Variants in ADGRL3 observed in about 807,000 individuals in gnomAD.
ADGRL3 encodes adhesion G protein-coupled receptor L3, also known as calcium-independent alpha-latrotoxin receptor 3.
A neutral mutation model predicts 153.5 loss-of-function variants in ADGRL3; 62 were observed. The ratio of observed to expected loss-of-function variants is 0.40; its 90% confidence interval spans 0.33 to 0.50. The LOEUF is 0.50. ADGRL3 is among the 20% of genes least tolerant of loss of function. The pLI, the probability that ADGRL3 is intolerant of heterozygous loss-of-function variation, is 0.47. For missense variants in ADGRL3, 1,641 were observed against 1,859.4 expected, an observed-to-expected ratio of 0.88 and a Z score of 2.16; for synonymous variants, 710 against 672.5, an observed-to-expected ratio of 1.06 and a Z score of -0.86.
At chr4:61,963,747 C>T (rs2098996683) in intron 17 of ADGRL3, among the ~76,000 whole-genome samples, 1 of 152,158 alleles carries the variant, frequency 6.6e-6, no homozygotes, top group Non-Finnish European at 1.5e-5. Flanking sequence ...ATCCTGTGAT[C>T]CTCCTATGCA....
At chr4:61,329,650 AAACTGTTTTTTACTC>A (rs1228484547) in intron 1 of ADGRL3, among the ~76,000 whole-genome samples, 2 of 152,180 alleles carry the variant, frequency 1.3e-5, no homozygotes, top group East Asian at 3.8e-4. Flanking sequence ...GATGTTCAGT[AAACTGTTTTTTACTC>A]AACAGTATGT....
intron 15 of ADGRL3, among the ~76,000 whole-genome samples, chr4:61,937,636 C>T (rs74737896): frequency 0.084 from 12,805 of 151,866 alleles, 717 homozygotes; most frequent in Middle Eastern, 0.13. Context: ...TAAGAAATAA[C>T]ATTATTATTA....
chr4:61,701,421 A>C, intron 6 of ADGRL3, among the ~76,000 whole-genome samples: 1 of 147,410 alleles, frequency 6.8e-6, no homozygotes, highest in South Asian at 2.1e-4. Context: ...GAAGCACATT[A>C]AAGGTACAAT....
chr4:61,657,205 A>T (rs769824084), intron 5 of ADGRL3, among the ~76,000 whole-genome samples: 2 of 152,086 alleles, frequency 1.3e-5, no homozygotes, highest in Non-Finnish European at 2.9e-5. Flanking sequence ...AGAATCCATA[A>T]GAGTGACTTT....
chr4:61,689,137 G>T (rs1361834849), intron 6 of ADGRL3, among the ~76,000 whole-genome samples: 1 of 152,002 alleles, frequency 6.6e-6, no homozygotes, highest in Admixed American at 6.6e-5. Flanking sequence ...TGATATGCTG[G>T]TACTGACAAT....
At chr4:61,371,865 C>T (rs1236986140) in intron 1 of ADGRL3, among the ~76,000 whole-genome samples, 2 of 152,160 alleles carry the variant, frequency 1.3e-5, no homozygotes, top group East Asian at 1.9e-4. Flanking sequence ...CTTTCAGGTA[C>T]ACCAAGCAGA....
At chr4:61,451,625 T>G (rs1290350513) in intron 2 of ADGRL3, among the ~76,000 whole-genome samples, 2 of 152,144 alleles carry the variant, frequency 1.3e-5, no homozygotes, top group East Asian at 3.8e-4. Context: ...TTAAAGTTCC[T>G]CACCAAAAGA....
intron 1 of ADGRL3, among the ~76,000 whole-genome samples, chr4:61,320,362 G>C (rs538861540): frequency 1.3e-5 from 2 of 152,168 alleles, no homozygotes; most frequent in East Asian, 3.8e-4. Flanking sequence ...GTTAGTCAGA[G>C]TTCTTTAGAT....
intron 1 of ADGRL3, among the ~76,000 whole-genome samples, chr4:61,362,859 T>A (rs1041089975): frequency 3.9e-5 from 6 of 152,196 alleles, no homozygotes; most frequent in African/African-American, 1.2e-4. Context: ...ATATATATGA[T>A]TTTGAAAAAA....
At chr4:61,979,200 G>A (rs2099058816) in intron 17 of ADGRL3, among the ~76,000 whole-genome samples, 1 of 152,166 alleles carries the variant, frequency 6.6e-6, no homozygotes, top group South Asian at 2.1e-4. Context: ...ACTGGAGATG[G>A]TCTGAAAATT....
intron 25 of ADGRL3, among the ~76,000 whole-genome samples, chr4:62,067,842 C>T (rs1370618385): frequency 6.6e-6 from 1 of 151,928 alleles, no homozygotes; most frequent in Non-Finnish European, 1.5e-5. Flanking sequence ...TCATGGTCTG[C>T]CCTCAAATTT....
chr4:61,376,647 C>T (rs979233230), intron 1 of ADGRL3, among the ~76,000 whole-genome samples: 1 of 152,166 alleles, frequency 6.6e-6, no homozygotes, highest in African/African-American at 2.4e-5. Flanking sequence ...GTTCAAGCCT[C>T]CATCAGTCAC....
chr4:61,814,982 G>C (rs1439774146), intron 9 of ADGRL3, among the ~76,000 whole-genome samples: 1 of 151,922 alleles, frequency 6.6e-6, no homozygotes, highest in Non-Finnish European at 1.5e-5. Context: ...ATTTTTCCCT[G>C]AGCCATCGGG....
chr4:61,285,519 C>T (rs983531532), intron 1 of ADGRL3, among the ~76,000 whole-genome samples: 7 of 151,712 alleles, frequency 4.6e-5, no homozygotes, highest in African/African-American at 1.7e-4. Context: ...TGTTGCCCCA[C>T]AGAAATGGGT....
intron 8 of ADGRL3, among the ~76,000 whole-genome samples, chr4:61,767,150 T>C (rs1490372724): frequency 6.6e-6 from 1 of 151,262 alleles, no homozygotes; most frequent in East Asian, 1.9e-4. Context: ...TGGGTTAAGG[T>C]TGGGGGATAC....
intron 1 of ADGRL3, among the ~76,000 whole-genome samples, chr4:61,293,942 A>G (rs929055827): frequency 6.6e-6 from 1 of 152,138 alleles, no homozygotes; most frequent in Admixed American, 6.6e-5. Context: ...TAATGAACTT[A>G]AGAGCTTTGC....
chr4:61,587,570 A>G (rs148055219), intron 5 of ADGRL3, 130 bp downstream of exon 5: 1 of 667,398 alleles, frequency 1.5e-6, no homozygotes, highest in African/African-American at 1.8e-5. Flanking sequence ...GTTTTTCCAT[A>G]TCTGACTATT....
chr4:61,870,126 T>C (rs1222483904), intron 9 of ADGRL3, among the ~76,000 whole-genome samples: 2 of 151,822 alleles, frequency 1.3e-5, no homozygotes, highest in Non-Finnish European at 2.9e-5. Flanking sequence ...CTATAATTGT[T>C]GACAGTTTAG....
intron 1 of ADGRL3, among the ~76,000 whole-genome samples, chr4:61,310,600 A>G (rs546267794): frequency 6.6e-6 from 1 of 152,290 alleles, no homozygotes; most frequent in East Asian, 1.9e-4. Context: ...TCATATGTGT[A>G]TTGAAATTGC....
Sources: gnomAD v4.1 joint callset for allele counts (sites outside exome capture counted in the v4.1 genomes callset) on GRCh38, gnomAD v4.1.1 for gene constraint, MANE v1.5 for transcripts, NCBI Gene and HGNC (gene_info 2026-07-23, HGNC 2026-07-21) for gene names.